Variants in PPP1R12B observed in about 807,000 individuals in gnomAD.
PPP1R12B encodes the protein myosin phosphatase target subunit 2.
Under a neutral mutation model 126.1 loss-of-function variants are expected in PPP1R12B, and 76 were observed. The ratio of observed to expected loss-of-function variants is 0.60; its 90% CI spans 0.50 to 0.73. The LOEUF is 0.73. Among genes scored for constraint, PPP1R12B ranks in the 30% least tolerant of loss-of-function variants. The pLI, the probability that PPP1R12B is intolerant of heterozygous loss-of-function variation, is 0.00. For synonymous variants in PPP1R12B, 356 were observed against 434.7 expected (o/e 0.82, Z 2.25); for missense variants, 1,052 against 1,205.1 (o/e 0.87, Z 1.88).
chr1:202,447,986 A>G (rs1672485031), intron 12 of PPP1R12B, among the ~76,000 whole-genome samples: 1 of 150,266 alleles, frequency 6.7e-6, no homozygotes, highest in Admixed American at 6.6e-5. Flanking sequence ...TTCTGCCTTT[A>G]TGTTTGTATC....
intron 23 of PPP1R12B, among the ~76,000 whole-genome samples, chr1:202,572,608 G>C (rs2149033598): frequency 6.6e-6 from 1 of 152,294 alleles, no homozygotes; most frequent in South Asian, 2.1e-4. Flanking sequence ...GTCAGTGTGA[G>C]CTGTGCCAGG....
chr1:202,535,013 C>T (rs185827971), intron 18 of PPP1R12B, among the ~76,000 whole-genome samples: 9 of 151,878 alleles, frequency 5.9e-5, no homozygotes, highest in Admixed American at 1.3e-4. Flanking sequence ...TGAGCATGAC[C>T]GCATGCTAGG....
At chr1:202,436,681 G>A (rs1670863903) in intron 9 of PPP1R12B, among the ~76,000 whole-genome samples, 1 of 152,068 alleles carries the variant, frequency 6.6e-6, no homozygotes, top group Admixed American at 6.5e-5. Flanking sequence ...GATAATTAAG[G>A]ACAATGTAAG....
At chr1:202,367,972 G>GT (rs979492348) in intron 1 of PPP1R12B, among the ~76,000 whole-genome samples, 14 of 150,268 alleles carry the variant, frequency 9.3e-5, no homozygotes, top group South Asian at 2.1e-4. Flanking sequence ...TTTTTTTTTT[G>GT]TTTTTTTGTT....
chr1:202,426,796 GT>G (rs1264054088), intron 4 of PPP1R12B, among the ~76,000 whole-genome samples: 1 of 152,176 alleles, frequency 6.6e-6, no homozygotes, highest in Non-Finnish European at 1.5e-5. Flanking sequence ...CCCTTGTATG[GT>G]GTAAAATGGA....
At chr1:202,545,341 G>A (rs1685539456) in intron 18 of PPP1R12B, among the ~76,000 whole-genome samples, 2 of 152,220 alleles carry the variant, frequency 1.3e-5, no homozygotes, top group Non-Finnish European at 2.9e-5. Context: ...ATTCTTAGTA[G>A]AGACTGGCCT....
At chr1:202,376,608 A>G (rs1269172140) in intron 1 of PPP1R12B, among the ~76,000 whole-genome samples, 3 of 152,218 alleles carry the variant, frequency 2.0e-5, no homozygotes, top group Admixed American at 6.5e-5. Flanking sequence ...AATCTTATAT[A>G]TAAAGATTGC....
chr1:202,455,940 T>C (rs1673568586), intron 13 of PPP1R12B, among the ~76,000 whole-genome samples: 1 of 152,066 alleles, frequency 6.6e-6, no homozygotes, highest in Admixed American at 6.6e-5. Flanking sequence ...GAACAGTGGC[T>C]TGCACTGAGA....
In PPP1R12B at chr1:202,502,538, T is replaced by G. The variant is rs530285967; in HGVS notation, c.2490+5716T>G. The stretch of plus-strand genomic sequence containing the variant: ...TTAAGCGCCGATTATGATCAAGCAC[T>G]TTTCTAGATTCTGGGGATGCAACAA... On this transcript the variant is annotated intron_variant, in intron 18 of 23. Coordinates refer to ENST00000608999, the MANE Select transcript of PPP1R12B (RefSeq NM_002481.4). The G allele has an allele frequency of 3.2e-4, 285 of 882,986 alleles. 3 individuals carry two copies. In the African/African-American group the frequency reaches 4.4e-3, roughly 14 times the overall value. The allele number at this position is 882,986 out of a possible 1,614,324, so 54.7% of individuals were successfully genotyped here.
chr1:202,474,434 C>T (rs1676366209), intron 13 of PPP1R12B, among the ~76,000 whole-genome samples: 1 of 151,946 alleles, frequency 6.6e-6, no homozygotes. Context: ...AGGTGTAGGC[C>T]ACTATGCAAT....
At chr1:202,379,442 G>C (rs1320120628) in intron 1 of PPP1R12B, among the ~76,000 whole-genome samples, 1 of 152,144 alleles carries the variant, frequency 6.6e-6, no homozygotes, top group Non-Finnish European at 1.5e-5. Flanking sequence ...GATGAAAACT[G>C]ATTTGCTCCC....
Position 202,587,159 on chromosome 1 carries a change from G to A in PPP1R12B, c.*6599G>A, listed in dbSNP as rs1277894931. 6.6e-6 allele frequency: 1 copy of A among 152,024 alleles called. No individual in the cohort carries two copies. The highest frequency in any genetic ancestry group is 2.4e-5 in the African/African-American group (1 of 41,366). 9.4% of individuals were successfully genotyped at this position (152,024 alleles called of 1,614,324 possible). ...ATGTTTCCAATAAAGATTTACTTGG[G>A]TGGCCCCTTAAGGTGACATCAGGAT... On this transcript the variant is annotated 3_prime_UTR_variant, in exon 24 of 24. Transcript: ENST00000608999.
In PPP1R12B at chr1:202,586,207, T is replaced by C. The variant is rs1689801027; in HGVS notation, c.*5647T>C. ...CAAACCCAGAGTCCACACAACCATA[T>C]TGCATAGAACAGCACTTGGCTTTCA... On this transcript the variant is annotated 3_prime_UTR_variant, in exon 24 of 24. Transcript: ENST00000608999. 6.6e-6 allele frequency: 1 copy of C among 152,192 alleles called. No individual in the cohort carries two copies. The highest frequency in any genetic ancestry group is 2.4e-5 in the African/African-American group (1 of 41,424). 9.4% of individuals were successfully genotyped at this position (152,192 alleles called of 1,614,324 possible). A position where few individuals can be genotyped will look rare whatever the true frequency, so the allele number is the denominator to read the frequency against.
At chr1:202,559,327 T>G (rs564615064) in intron 19 of PPP1R12B, among the ~76,000 whole-genome samples, 5 of 152,328 alleles carry the variant, frequency 3.3e-5, no homozygotes, top group Admixed American at 6.5e-5. Context: ...GAAGAGCAAT[T>G]AATCTAATCT....
chr1:202,353,364 C>G (rs1236944598), intron 1 of PPP1R12B, among the ~76,000 whole-genome samples: 1 of 152,092 alleles, frequency 6.6e-6, no homozygotes, highest in Non-Finnish European at 1.5e-5. Context: ...TCAGAAAAAT[C>G]CTGTTTGCTC....
In PPP1R12B at chr1:202,508,382, C is replaced by G. The variant is rs1278928808; in HGVS notation, c.2490+11560C>G. ...TTTATTACAACCTGAACTCTTACAC[C>G]TTAAACTATGTCAGTATTATTGGCT... On this transcript the variant is annotated intron_variant, in intron 18 of 23. Coordinates refer to ENST00000608999, the MANE Select transcript of PPP1R12B (RefSeq NM_002481.4). This position sits in a 1 kb window ranked among gnomAD's most constrained non-coding sequence, Gnocchi z 4.5. Among the ~76,000 whole-genome samples the G allele has an allele frequency of 6.6e-6, 1 of 152,040 alleles. No individual in the cohort carries two copies. Among genetic ancestry groups the G allele is most frequent in the African/African-American group, 2.4e-5 (1 of 41,388 alleles).
chr1:202,395,299 G>A (rs1664797744), intron 1 of PPP1R12B, among the ~76,000 whole-genome samples: 1 of 152,054 alleles, frequency 6.6e-6, no homozygotes, highest in Non-Finnish European at 1.5e-5. Flanking sequence ...GTGTTAGGAA[G>A]CAGTATTAGG....
intron 1 of PPP1R12B, among the ~76,000 whole-genome samples, chr1:202,360,242 G>A (rs1195060600): frequency 6.6e-6 from 1 of 152,124 alleles, no homozygotes; most frequent in Non-Finnish European, 1.5e-5. Flanking sequence ...ATAATGTCAG[G>A]TTATCTCTCT....
chr1:202,438,209 G>T, intron 10 of PPP1R12B, 185 bp downstream of exon 10: 1 of 1,562,788 alleles, frequency 6.4e-7, no homozygotes, highest in Non-Finnish European at 8.6e-7. Flanking sequence ...TTGTTTGCTT[G>T]ACCAAAAAAG....
Sources: allele counts gnomAD v4.1 joint callset (sites outside exome capture counted in the v4.1 genomes callset), GRCh38; gene constraint gnomAD v4.1.1; non-coding constraint Gnocchi (gnomAD v3.1); transcripts MANE v1.5; gene names NCBI Gene and HGNC (gene_info 2026-07-23, HGNC 2026-07-21).